The following SSBP3 variants were observed in gnomAD, a reference collection of about 807,000 sequenced individuals.
SSBP3 encodes the protein single stranded DNA binding protein 3.
SSBP3 carries 5 observed loss-of-function variants against 69.6 expected under a neutral mutation model. That is an observed-to-expected ratio of 0.07 (90% CI 0.04 to 0.15). SSBP3 has a LOEUF of 0.15. SSBP3 is among the 10% of genes least tolerant of loss of function. SSBP3 has a pLI of 1.00. For missense variants in SSBP3, 312 were observed against 534.0 expected (o/e 0.58, Z 4.10); for synonymous variants, 196 against 193.4 (o/e 1.01, Z -0.11).
intron 4 of SSBP3, among the ~76,000 whole-genome samples, chr1:54,293,800 T>C (rs1207541875): frequency 3.3e-5 from 5 of 152,262 alleles, no homozygotes; most frequent in Admixed American, 6.5e-5. Flanking sequence ...GGGAAGATGC[T>C]GGCTCAGTAA....
Position 54,404,851 on chromosome 1 carries a change from C to T in SSBP3, c.129+7G>A. 1.2e-6 allele frequency: 2 copies of T among 1,605,032 alleles called. No individual in the cohort carries two copies. Among genetic ancestry groups the T allele is most frequent in the Non-Finnish European group, 1.7e-6 (2 of 1,172,974 alleles). ...AGAAATTGGATGCTGGGGGGAGTCC[C>T]ACTCACCTCCGATAAGAAGGTCTGT... On this transcript the variant is annotated splice_region_variant and intron_variant, in intron 2 of 17. Coordinates refer to ENST00000610401, the Ensembl canonical transcript of SSBP3.
chr1:54,366,159 C>T (rs1009946061), intron 4 of SSBP3, among the ~76,000 whole-genome samples: 1 of 152,168 alleles, frequency 6.6e-6, no homozygotes, highest in African/African-American at 2.4e-5. Flanking sequence ...GCCTGGAGCT[C>T]CAGCTGCTGC....
At chr1:54,248,719 ACAT>A (rs1397123345) in intron 9 of SSBP3, among the ~76,000 whole-genome samples, 2 of 152,188 alleles carry the variant, frequency 1.3e-5, no homozygotes, top group Admixed American at 6.5e-5. Context: ...GCCCAGTGCT[ACAT>A]CAATGCCAGG....
At chr1:54,306,732 G>C (rs1340151579) in intron 4 of SSBP3, among the ~76,000 whole-genome samples, 2 of 152,128 alleles carry the variant, frequency 1.3e-5, no homozygotes, top group Non-Finnish European at 2.9e-5. Context: ...GCCAGGCCTA[G>C]TGGCACACAC....
At chr1:54,253,973 C>T (rs528424494) in intron 7 of SSBP3, among the ~76,000 whole-genome samples, 2 of 152,242 alleles carry the variant, frequency 1.3e-5, no homozygotes, top group African/African-American at 4.8e-5. Flanking sequence ...ACCTGGAGGT[C>T]GCGTCCCTCA....
At chr1:54,328,571 CAG>C (rs1286208860) in intron 4 of SSBP3, among the ~76,000 whole-genome samples, 3 of 152,192 alleles carry the variant, frequency 2.0e-5, no homozygotes, top group South Asian at 2.1e-4. Context: ...CCTTGTCCAC[CAG>C]AGTTTCTGAG....
chr1:54,406,076 C>T (rs1649737206), exon 1 of SSBP3: 4 of 1,291,604 alleles, frequency 3.1e-6, no homozygotes, highest in African/African-American at 3.2e-5. Context: ...CTCCGGCTCT[C>T]CCGAGCTGCC....
chr1:54,313,020 C>CTTTTTTTT (rs534805502), intron 4 of SSBP3, among the ~76,000 whole-genome samples: 1 of 121,378 alleles, frequency 8.2e-6, no homozygotes, highest in African/African-American at 3.2e-5. Context: ...GTGCCTGGAG[C>CTTTTTTTT]TTTTTTTTTT....
chr1:54,255,504 G>T (rs1221653330), intron 7 of SSBP3: 2 of 152,178 alleles, frequency 1.3e-5, no homozygotes, highest in Non-Finnish European at 2.9e-5. Flanking sequence ...GAAAACTGAG[G>T]AAAGGGGTGG....
chr1:54,295,814 C>T (rs946003084), intron 4 of SSBP3, among the ~76,000 whole-genome samples: 10 of 152,170 alleles, frequency 6.6e-5, no homozygotes, highest in African/African-American at 2.4e-4. Flanking sequence ...CTGGAATGCC[C>T]ACCTCCCTGC....
rs144878860 is a variant in SSBP3 at position 54,404,173 on chromosome 1, GA to G, written c.191+402del. 5.3e-3 allele frequency among the ~76,000 whole-genome samples: 814 copies of G among 152,176 alleles called. 3 individuals carry two copies. The highest frequency in any genetic ancestry group is 8.8e-3 in the Non-Finnish European group (597 of 67,990). ...TCTTAAGGTTGTGAGCTCCCGAGGA[GA>G]AAAAGGAAGGGACAGGCTAGTTGTA... On this transcript the variant is annotated intron_variant, in intron 3 of 17. Coordinates refer to ENST00000610401, the Ensembl canonical transcript of SSBP3.
chr1:54,251,900 G>C (rs770853837), intron 7 of SSBP3, 40 bp from the exon 8 acceptor site: 2 of 1,581,318 alleles, frequency 1.3e-6, no homozygotes, highest in Non-Finnish European at 1.7e-6. Flanking sequence ...AGCTGCTCCG[G>C]AGCTGCTGGC....
chr1:54,378,745 G>A (rs1372791261), intron 4 of SSBP3, among the ~76,000 whole-genome samples: 1 of 152,188 alleles, frequency 6.6e-6, no homozygotes. Context: ...ACTGGTGAGT[G>A]GCCGGCGGGC....
chr1:54,261,653 T>A (rs1262487832), intron 5 of SSBP3, among the ~76,000 whole-genome samples: 2 of 152,106 alleles, frequency 1.3e-5, no homozygotes, highest in Non-Finnish European at 2.9e-5. Flanking sequence ...CCAAAATGGG[T>A]GCATCTGGAG....
intron 7 of SSBP3, among the ~76,000 whole-genome samples, chr1:54,254,118 T>A (rs565699941): frequency 3.3e-5 from 5 of 152,340 alleles, no homozygotes; most frequent in African/African-American, 1.2e-4. Context: ...AAACAACGGC[T>A]CATATATGGG....
chr1:54,312,433 T>C (rs763510521), intron 4 of SSBP3, among the ~76,000 whole-genome samples: 16 of 146,580 alleles, frequency 1.1e-4, no homozygotes, highest in Non-Finnish European at 2.4e-4. Flanking sequence ...CTATTAAAAA[T>C]ATAAATTAGC....
chr1:54,380,224 G>A (rs560823419), intron 4 of SSBP3, among the ~76,000 whole-genome samples: 166 of 152,286 alleles, frequency 1.1e-3, no homozygotes, highest in Non-Finnish European at 2.0e-3. Flanking sequence ...TGTTCCAGGG[G>A]GATTGACTCG....
In SSBP3 at chr1:54,251,600, G is replaced by T. The variant is rs72910024; in HGVS notation, c.651+16C>A. 144 of 1,551,094 alleles carry T rather than the reference G, an allele frequency of 9.3e-5. 1 individual carries two copies. The African/African-American group carries it at 1.7e-3, about 18-fold the overall frequency. ...AGATGGCCAGGGAGACGGACGGACA[G>T]ACAGGCGGTGGTTACCTGTGGGCCG... On this transcript the variant is annotated intron_variant, in intron 9 of 17. Coordinates refer to ENST00000610401, the Ensembl canonical transcript of SSBP3.
chr1:54,309,767 C>A (rs1173927216), intron 4 of SSBP3, among the ~76,000 whole-genome samples: 1 of 152,222 alleles, frequency 6.6e-6, no homozygotes. Flanking sequence ...CACACCAAAT[C>A]CATGTCCAAC....
Sources: allele counts gnomAD v4.1 joint callset (sites outside exome capture counted in the v4.1 genomes callset), GRCh38; gene constraint gnomAD v4.1.1; transcripts MANE v1.5; gene names NCBI Gene and HGNC (gene_info 2026-07-23, HGNC 2026-07-21).